Variants in BCL7A observed in about 807,000 individuals in gnomAD.
BCL7A encodes the protein BAF chromatin remodeling complex subunit BCL7A, also known as B-cell CLL/lymphoma 7 protein family member A.
In BCL7A, 11 loss-of-function variants were observed where a neutral mutation model predicts 28.4. That is an observed-to-expected ratio of 0.39 (90% CI 0.24 to 0.64). The LOEUF (loss-of-function observed/expected upper bound fraction) is 0.64, where lower values mean the gene tolerates loss of function less well. Among genes scored for constraint, BCL7A ranks in the 30% least tolerant of loss-of-function variants. BCL7A has a pLI of 0.50. For missense variants in BCL7A, 222 were observed against 274.8 expected, an observed-to-expected ratio of 0.81 and a Z score of 1.36; for synonymous variants, 123 against 103.3, an observed-to-expected ratio of 1.19 and a Z score of -1.15.
rs1884106259 is a variant in BCL7A, at chr12:122,047,737, G to T, written c.439+3684G>T. ...GACGGGGTGTTGCTATGTTGCCCAGGCTGGTCTTGAACTTCTGGGCTCCAG... is the reference window on the plus strand; with the variant it reads ...GACGGGGTGTTGCTATGTTGCCCAGTCTGGTCTTGAACTTCTGGGCTCCAG... On this transcript the variant is annotated intron_variant, in intron 4 of 5. Coordinates refer to ENST00000261822, the MANE Select transcript of BCL7A (RefSeq NM_001024808.3). Among the ~76,000 whole-genome samples the T allele has an allele frequency of 2.0e-5, 3 of 151,962 alleles. No homozygotes were observed. In the South Asian group the frequency reaches 6.2e-4, roughly 32 times the overall value.
intron 4 of BCL7A, among the ~76,000 whole-genome samples, chr12:122,046,014 G>A (rs922606469): frequency 8.0e-6 from 1 of 125,502 alleles, no homozygotes; most frequent in Non-Finnish European, 1.6e-5. Flanking sequence ...GCTGCAGTGA[G>A]CCATGATTGC....
intron 1 of BCL7A, among the ~76,000 whole-genome samples, chr12:122,023,526 A>G: frequency 6.6e-6 from 1 of 152,130 alleles, no homozygotes; most frequent in Admixed American, 6.5e-5. Context: ...AAAATCAATA[A>G]AGTCCACGTG....
At position 122,060,431 on chromosome 12, in the gene BCL7A, G is replaced by A. The variant is rs186688993; in HGVS notation, c.*1268G>A. 13 of 233,084 alleles carry A rather than the reference G, an allele frequency of 5.6e-5. No individual in the cohort carries two copies. The highest frequency in any genetic ancestry group is 3.6e-4 in the South Asian group (2 of 5,528). 14.4% of individuals were successfully genotyped at this position (233,084 alleles called of 1,614,324 possible). The stretch of plus-strand genomic sequence containing the variant: ...TGCACACCCTCCAGAAAGGAGAGAC[G>A]CAATCTCCCCTCCCTCCCATCCCCC... On this transcript the variant is annotated 3_prime_UTR_variant, in exon 6 of 6. Coordinates refer to ENST00000261822, the MANE Select transcript of BCL7A (RefSeq NM_001024808.3).
chr12:122,058,243 G>A (rs574208729), intron 5 of BCL7A, among the ~76,000 whole-genome samples: 6 of 152,234 alleles, frequency 3.9e-5, no homozygotes, highest in East Asian at 1.9e-4. Flanking sequence ...GGTGGCTCAC[G>A]CCTGTAATCC....
At chr12:122,044,566 T>C (rs542317800) in intron 4 of BCL7A, among the ~76,000 whole-genome samples, 2 of 152,192 alleles carry the variant, frequency 1.3e-5, no homozygotes, top group South Asian at 4.1e-4. Context: ...CTCACACCTA[T>C]AATCCTAATG....
In BCL7A at chr12:122,060,322, A is replaced by C. The variant is rs1015537904; in HGVS notation, c.*1159A>C. 4 of 232,724 alleles carry C rather than the reference A, an allele frequency of 1.7e-5. No homozygotes were observed. The highest frequency in any genetic ancestry group is 8.8e-5 in the African/African-American group (4 of 45,286). 14.4% of individuals were successfully genotyped at this position (232,724 alleles called of 1,614,324 possible). A position where few individuals can be genotyped will look rare whatever the true frequency, so the allele number is the denominator to read the frequency against. ...CTGGACCGTGTCTCATCCCCAGAAC[A>C]TGCCGTCTGTCCCCACCGGGGAGTG... On this transcript the variant is annotated 3_prime_UTR_variant, in exon 6 of 6. Coordinates refer to ENST00000261822, the MANE Select transcript of BCL7A (RefSeq NM_001024808.3).
intron 1 of BCL7A, among the ~76,000 whole-genome samples, chr12:122,025,833 G>T (rs184581566): frequency 1.1e-4 from 16 of 149,306 alleles, no homozygotes; most frequent in African/African-American, 3.5e-4. Context: ...TGTAATCCCA[G>T]CTACTCTTAA....
chr12:122,022,990 T>C (rs1352332837), intron 1 of BCL7A, among the ~76,000 whole-genome samples: 1 of 152,116 alleles, frequency 6.6e-6, no homozygotes, highest in Non-Finnish European at 1.5e-5. Context: ...AGCTCGTGTT[T>C]GTTTTGCGGA....
chr12:122,058,490 C>G, intron 5 of BCL7A, among the ~76,000 whole-genome samples: 1 of 151,790 alleles, frequency 6.6e-6, no homozygotes, highest in Non-Finnish European at 1.5e-5. Context: ...GAAACCCCGT[C>G]TCTACTAAAA....
intron 3 of BCL7A, among the ~76,000 whole-genome samples, chr12:122,040,820 A>C (rs1883950662): frequency 6.6e-6 from 1 of 152,138 alleles, no homozygotes; most frequent in Non-Finnish European, 1.5e-5. Context: ...TTTAGTCCAC[A>C]AGACTCAGCT....
At chr12:122,053,899 A>G (rs1187162596) in intron 4 of BCL7A, among the ~76,000 whole-genome samples, 3 of 152,060 alleles carry the variant, frequency 2.0e-5, no homozygotes, top group Non-Finnish European at 4.4e-5. Context: ...CATGACCCCC[A>G]TTTGGGAAGA....
At chr12:122,030,514 G>A (rs1187207132) in intron 1 of BCL7A, among the ~76,000 whole-genome samples, 186 bp from the exon 2 acceptor site, 3 of 152,212 alleles carry the variant, frequency 2.0e-5, no homozygotes, top group Non-Finnish European at 2.9e-5. Flanking sequence ...GTGGTGTAAC[G>A]GGTGGAGAAA....
At chr12:122,042,596 G>A (rs1883983489) in intron 3 of BCL7A, among the ~76,000 whole-genome samples, 1 of 149,518 alleles carries the variant, frequency 6.7e-6, no homozygotes, top group African/African-American at 2.5e-5. Flanking sequence ...GTTGCAGCGA[G>A]CCCAGATCGC....
chr12:122,052,980 G>A (rs181997515), intron 4 of BCL7A, among the ~76,000 whole-genome samples: 2 of 146,566 alleles, frequency 1.4e-5, no homozygotes, highest in African/African-American at 5.1e-5. Context: ...GTGAGCCACC[G>A]TGCCTAGCCT....
At position 122,043,942 on chromosome 12, in the gene BCL7A, A is replaced by G. The variant is rs1884013234; in HGVS notation, c.328A>G (p.Ser110Gly). 6.2e-7 allele frequency: 1 copy of G among 1,613,982 alleles called. No homozygotes were observed. The highest frequency in any genetic ancestry group is 8.5e-7 in the Non-Finnish European group (1 of 1,180,022). ...ADASPIKQEN[S>G]SNSSPAPEPN... ...TGCCTCCCCCATCAAACAGGAGAAC[A>G]GCAGCAACTCCAGCCCCGCTCCAGA... Residue 110 changes from serine to glycine, a missense_variant, in exon 4 of 6, where the codon AGC (serine) becomes GGC (glycine). By Grantham distance (56) the Ser-to-Gly change is moderately conservative. Around this residue, in one of 2 missense-constraint regions of BCL7A, gnomAD observed 155 missense variants for 145.7 expected, o/e 1.06. Coordinates refer to ENST00000261822, the MANE Select transcript of BCL7A (RefSeq NM_001024808.3).
At chr12:122,038,435 A>AAG (rs1883901189) in intron 3 of BCL7A, among the ~76,000 whole-genome samples, 1 of 148,038 alleles carries the variant, frequency 6.8e-6, no homozygotes, top group African/African-American at 2.5e-5. Context: ...CTGCCTCAAA[A>AAG]AAAAAAAAAA....
chr12:122,024,567 T>G (rs1883573236), intron 1 of BCL7A, among the ~76,000 whole-genome samples: 1 of 151,960 alleles, frequency 6.6e-6, no homozygotes, highest in African/African-American at 2.4e-5. Flanking sequence ...GCCTTCGGAT[T>G]GGGTCTTAGA....
At chr12:122,044,244 C>T (rs1884025160) in intron 4 of BCL7A, 191 bp downstream of exon 4, 1 of 649,218 alleles carries the variant, frequency 1.5e-6, no homozygotes, top group Non-Finnish European at 2.5e-6. Context: ...TGCAGTGGCT[C>T]ATGCCTGTAA....
chr12:122,025,024 C>G (rs1344158076), intron 1 of BCL7A, among the ~76,000 whole-genome samples: 1 of 147,906 alleles, frequency 6.8e-6, no homozygotes, highest in Admixed American at 6.9e-5. Flanking sequence ...GCCTCCTGTT[C>G]TCTTTTTCTG....
Sources: allele counts gnomAD v4.1 joint callset (sites outside exome capture counted in the v4.1 genomes callset), GRCh38; gene constraint gnomAD v4.1.1; regional missense constraint gnomAD v4.1.1; transcripts MANE v1.5; gene names NCBI Gene and HGNC (gene_info 2026-07-23, HGNC 2026-07-21).